VPS13B: variants seen among roughly 807,000 people sequenced by gnomAD.
VPS13B encodes intermembrane lipid transfer protein VPS13B.
VPS13B carries 285 observed loss-of-function variants against 426.4 expected under a neutral mutation model. The ratio of observed to expected loss-of-function variants is 0.67; its 90% confidence interval spans 0.61 to 0.74. The LOEUF (loss-of-function observed/expected upper bound fraction) is 0.74, where lower values mean the gene tolerates loss of function less well. VPS13B is among the 30% of genes least tolerant of loss of function. The pLI is 0.00. For missense variants in VPS13B, 4,537 were observed against 4,782.6 expected (o/e 0.95, Z 1.51); for synonymous variants, 1,676 against 1,676.4 (o/e 1.00, Z 0.01).
rs1325958266 is a variant in VPS13B at position 99,294,209 on chromosome 8, C to T, written c.2824+18955C>T. 3.4e-5 allele frequency among the ~76,000 whole-genome samples: 2 copies of T among 58,306 alleles called. 1 individual carries two copies. The highest frequency in any genetic ancestry group is 7.8e-5 in the Non-Finnish European group (2 of 25,786). The allele number at this position is 58,306 out of a possible 152,430, so 38.3% of individuals were successfully genotyped here. A position where few individuals can be genotyped will look rare whatever the true frequency, so the allele number is the denominator to read the frequency against. On this transcript the variant is annotated intron_variant, in intron 19 of 61. Coordinates refer to ENST00000357162, the MANE Select transcript of VPS13B (RefSeq NM_152564.5). ...TATACATCATGGAATACTATGCAGCCATAAAAAATGATGATTTCATGTCCT... is the reference window on the plus strand; with the variant it reads ...TATACATCATGGAATACTATGCAGCTATAAAAAATGATGATTTCATGTCCT...
chr8:99,434,890 C>T (rs1285939683), intron 22 of VPS13B, among the ~76,000 whole-genome samples: 2 of 152,170 alleles, frequency 1.3e-5, no homozygotes, highest in African/African-American at 4.8e-5. Context: ...CTGTCCTTCT[C>T]CCTTAGAGGT....
intron 28 of VPS13B, 57 bp downstream of exon 28, chr8:99,507,260 G>A: frequency 6.4e-7 from 1 of 1,554,912 alleles, no homozygotes; most frequent in South Asian, 1.1e-5. Flanking sequence ...TGTTTATCTT[G>A]TTATTTCATA....
chr8:99,617,255 A>G (rs1048987170), intron 33 of VPS13B, among the ~76,000 whole-genome samples: 2 of 152,228 alleles, frequency 1.3e-5, no homozygotes, highest in African/African-American at 4.8e-5. Context: ...TGTGTGAAAC[A>G]TATGCAAATA....
chr8:99,053,729 A>G (rs1278262138), intron 3 of VPS13B, among the ~76,000 whole-genome samples: 1 of 146,312 alleles, frequency 6.8e-6, no homozygotes, highest in African/African-American at 2.5e-5. Context: ...TTGATACAGA[A>G]TCTCACTTGG....
chr8:99,106,117 G>A (rs181244195), intron 5 of VPS13B, among the ~76,000 whole-genome samples: 74 of 151,818 alleles, frequency 4.9e-4, no homozygotes, highest in African/African-American at 1.7e-3. Flanking sequence ...TAACATGCAA[G>A]AAAGAAAGAG....
intron 34 of VPS13B, among the ~76,000 whole-genome samples, chr8:99,657,329 CTAAG>C (rs1319293954): frequency 1.3e-5 from 2 of 152,168 alleles, no homozygotes; most frequent in Non-Finnish European, 2.9e-5. Context: ...CAAATACCCA[CTAAG>C]TGTTTTTTCT....
intron 10 of VPS13B, 147 bp from the exon 11 acceptor site, chr8:99,135,449 A>G (rs1321204962): frequency 3.6e-6 from 4 of 1,110,822 alleles, no homozygotes; most frequent in Non-Finnish European, 5.1e-6. Context: ...CAAAATAGTC[A>G]ATGAAGGTGG....
intron 20 of VPS13B, among the ~76,000 whole-genome samples, chr8:99,389,900 A>AC (rs928202631): frequency 5.9e-5 from 9 of 151,568 alleles, no homozygotes; most frequent in South Asian, 2.1e-4. Context: ...TTTCTAGTCC[A>AC]CCCCCCCTCC....
chr8:99,155,059 A>G (rs1811285718), intron 14 of VPS13B, among the ~76,000 whole-genome samples: 1 of 152,094 alleles, frequency 6.6e-6, no homozygotes. Context: ...ATTTCCAAAG[A>G]GACCTCAATC....
At chr8:99,828,402 T>G (rs1192643974) in intron 51 of VPS13B, among the ~76,000 whole-genome samples, 25 of 35,506 alleles carry the variant, frequency 7.0e-4, no homozygotes, top group East Asian at 2.3e-3. Context: ...CCGTTTTTTT[T>G]TTTTTTTTTT....
At chr8:99,663,919 T>C (rs1220433272) in intron 35 of VPS13B, among the ~76,000 whole-genome samples, 1 of 152,206 alleles carries the variant, frequency 6.6e-6, no homozygotes, top group Admixed American at 6.5e-5. Flanking sequence ...ACCAAATCAA[T>C]TGAATTTTAA....
Position 99,577,581 on chromosome 8 carries a change from A to C in VPS13B, c.5168A>C (p.Gln1723Pro), listed in dbSNP as rs764099163. The stretch of plus-strand genomic sequence containing the variant: ...GTGGCTCAAGTTCAACTCTTACATC[A>C]GTTAATAGTAGCAAATATGACTGGA... ...LSVAQVQLLH[Q>P]LIVANMTGLE... Residue 1723 changes from glutamine (Q) to proline (P), a missense_variant, in exon 33 of 62, where the codon CAG becomes CCG. Coordinates refer to ENST00000357162, the MANE Select transcript of VPS13B (RefSeq NM_152564.5). 7 of 1,613,758 alleles carry C rather than the reference A, an allele frequency of 4.3e-6. No homozygotes were observed. Among genetic ancestry groups the C allele is most frequent in the Non-Finnish European group, 5.9e-6 (7 of 1,179,786 alleles).
At chr8:99,066,977 A>G (rs1179641167) in intron 3 of VPS13B, among the ~76,000 whole-genome samples, 1 of 152,236 alleles carries the variant, frequency 6.6e-6, no homozygotes, top group African/African-American at 2.4e-5. Context: ...GGCAATCATT[A>G]GAAAGTCAGG....
rs1816194372 is a variant in VPS13B, at chr8:99,229,350, C to G, written c.2515+36293C>G. Among the ~76,000 whole-genome samples the G allele has an allele frequency of 2.6e-5, 4 of 152,188 alleles. No individual in the cohort carries two copies. The South Asian group carries it at 8.3e-4, about 32-fold the overall frequency. ...GAGGAGAATGCCCTTGGCTGAAAAG[C>G]TGAAGTCAACTTAATAAAAGCTAAC... On this transcript the variant is annotated intron_variant, in intron 17 of 61. Transcript: ENST00000357162.
At chr8:99,085,383 CT>C (rs1202092253) in intron 3 of VPS13B, among the ~76,000 whole-genome samples, 1 of 152,172 alleles carries the variant, frequency 6.6e-6, no homozygotes, top group Non-Finnish European at 1.5e-5. Context: ...ATACAGCACA[CT>C]TAATGGTTCT....
intron 39 of VPS13B, among the ~76,000 whole-genome samples, chr8:99,747,693 T>C (rs1320966439): frequency 3.3e-5 from 5 of 152,068 alleles, no homozygotes; most frequent in Admixed American, 3.3e-4. Context: ...TTGTTGTTTA[T>C]TGTTCTATTG....
At chr8:99,087,048 G>C (rs1307124830) in intron 3 of VPS13B, among the ~76,000 whole-genome samples, 1 of 152,176 alleles carries the variant, frequency 6.6e-6, no homozygotes, top group South Asian at 2.1e-4. Context: ...TGCCCTGCCC[G>C]CAGAGGTGGA....
chr8:99,464,743 G>A (rs933648642), intron 23 of VPS13B, among the ~76,000 whole-genome samples: 4 of 152,052 alleles, frequency 2.6e-5, no homozygotes, highest in Non-Finnish European at 5.9e-5. Flanking sequence ...CACATGTAAC[G>A]CATAGTCTCA....
intron 55 of VPS13B, among the ~76,000 whole-genome samples, chr8:99,852,343 A>T (rs1278263462): frequency 6.6e-6 from 1 of 152,236 alleles, no homozygotes; most frequent in Non-Finnish European, 1.5e-5. Flanking sequence ...AGCCATCAAC[A>T]TATAGATGGT....
Sources: gnomAD v4.1 joint callset for allele counts (sites outside exome capture counted in the v4.1 genomes callset) on GRCh38, gnomAD v4.1.1 for gene constraint, MANE v1.5 for transcripts, NCBI Gene and HGNC (gene_info 2026-07-23, HGNC 2026-07-21) for gene names.